ZNF560: variants seen among roughly 807,000 people sequenced by gnomAD.
ZNF560 encodes zinc finger protein 560.
ZNF560 carries 54 observed loss-of-function variants against 81.8 expected under a neutral mutation model. The ratio of observed to expected loss-of-function variants is 0.66; its 90% confidence interval spans 0.53 to 0.83. The LOEUF is 0.83. Ranked by LOEUF, ZNF560 falls within the 40% of genes least tolerant of loss-of-function variation. The pLI is 0.00. For missense variants in ZNF560, 940 were observed against 932.4 expected (o/e 1.01, Z -0.11); for synonymous variants, 321 against 317.9 (o/e 1.01, Z -0.10).
chr19:9,476,291 TTTTG>T (rs760622991), intron 2 of ZNF560, among the ~76,000 whole-genome samples: 11 of 152,046 alleles, frequency 7.2e-5, no homozygotes, highest in East Asian at 1.9e-4. Context: ...GTGGGTTTTT[TTTTG>T]TTTGTTTTTG....
intron 5 of ZNF560, 113 bp from the exon 6 acceptor site, chr19:9,471,491 A>AG: frequency 1.3e-6 from 1 of 752,074 alleles, no homozygotes; most frequent in Non-Finnish European, 2.0e-6. Flanking sequence ...AACATAAGAA[A>AG]AAAGAAAGCT....
At position 9,468,194 on chromosome 19, in the gene ZNF560, G is replaced by C. The variant is rs1444843602; in HGVS notation, c.753C>G (p.Leu251=). ...TAGAGGTTTTATTGTATAGAGAAAG[G>C]AGGTCTTTTGCATACTGAATACATT... is the stretch of plus-strand genomic sequence containing the variant. ...TSECIQYAKD[L]LSLYNKTSTI... The change falls in exon 10 of 10, where the codon CTC becomes CTG. Residue 251 remains leucine (L), a synonymous_variant. Coordinates refer to ENST00000301480, the MANE Select transcript of ZNF560 (RefSeq NM_152476.3). 2.5e-6 allele frequency: 4 copies of C among 1,614,010 alleles called. No individual in the cohort carries two copies. The highest frequency in any genetic ancestry group is 2.5e-6 in the Non-Finnish European group (3 of 1,180,008).
At chr19:9,449,438 T>G in the ZNF560 span, among the ~76,000 whole-genome samples, 1 of 152,122 alleles carries the variant, frequency 6.6e-6, no homozygotes, top group Admixed American at 6.5e-5. Flanking sequence ...AATTTAAAAA[T>G]TCTTTGAAAT....
At position 9,467,851 on chromosome 19, in the gene ZNF560, GATT is replaced by G. The variant is rs1409480565; in HGVS notation, c.1093_1095del (p.Asn365del). 2 of 1,614,058 alleles carry G rather than the reference GATT, an allele frequency of 1.2e-6. No individual in the cohort carries two copies. Among genetic ancestry groups the G allele is most frequent in the African/African-American group, 1.3e-5 (1 of 74,930 alleles). On this transcript the variant is annotated inframe_deletion, in exon 10 of 10. Transcript: ENST00000301480. ...TTTATCCCAATGTGGGTTTGCATGT[GATT>G]ATTAAGGTGGGTAGGGTATCTAAAA...
the ZNF560 span, among the ~76,000 whole-genome samples, chr19:9,506,413 TG>T: frequency 6.7e-4 from 60 of 89,800 alleles, no homozygotes; most frequent in Non-Finnish European, 1.2e-3. Context: ...ACGCTTCTGT[TG>T]TTTTTTTTTT....
chr19:9,484,599 T>C (rs1177990942), intron 2 of ZNF560, among the ~76,000 whole-genome samples: 2 of 144,070 alleles, frequency 1.4e-5, no homozygotes, highest in South Asian at 2.2e-4. Flanking sequence ...CTGGCGAACA[T>C]GGTGAAACCC....
chr19:9,500,394 CAAAAAAAAAAA>C (rs767714516), upstream of ZNF560, among the ~76,000 whole-genome samples: 6 of 82,670 alleles, frequency 7.3e-5, no homozygotes, highest in Non-Finnish European at 1.3e-4. Context: ...AACTTCATCT[CAAAAAAAAAAA>C]AAAAAAAAGA....
At chr19:9,448,581 C>T in the ZNF560 span, among the ~76,000 whole-genome samples, 1 of 151,826 alleles carries the variant, frequency 6.6e-6, no homozygotes, top group African/African-American at 2.4e-5. Flanking sequence ...ATACCTGCTA[C>T]CACAAAACAA....
chr19:9,447,319 C>T, the ZNF560 span, among the ~76,000 whole-genome samples: 1 of 152,076 alleles, frequency 6.6e-6, no homozygotes, highest in East Asian at 1.9e-4. Context: ...AATTCTGCCA[C>T]CATGAAAAAG....
the ZNF560 span, among the ~76,000 whole-genome samples, chr19:9,455,996 T>C: frequency 6.6e-6 from 1 of 152,052 alleles, no homozygotes; most frequent in East Asian, 1.9e-4. Flanking sequence ...ATACCTGAAG[T>C]GTAAAAAAGG....
intron 2 of ZNF560, among the ~76,000 whole-genome samples, chr19:9,487,507 T>G (rs1415016651): frequency 1.3e-5 from 2 of 152,162 alleles, no homozygotes; most frequent in African/African-American, 4.8e-5. Flanking sequence ...AGGCTCATGA[T>G]ATTAGATTTA....
chr19:9,447,283 T>C, the ZNF560 span, among the ~76,000 whole-genome samples: 2 of 152,006 alleles, frequency 1.3e-5, no homozygotes, highest in East Asian at 3.9e-4. Context: ...GCCCCAACCC[T>C]CTCCAGATGA....
chr19:9,446,094 C>T, the ZNF560 span, among the ~76,000 whole-genome samples: 1 of 152,134 alleles, frequency 6.6e-6, no homozygotes, highest in African/African-American at 2.4e-5. Flanking sequence ...TCTTCTGGAA[C>T]TCTCCATGTT....
At chr19:9,484,843 GAAAAA>G (rs920756506) in intron 2 of ZNF560, among the ~76,000 whole-genome samples, 2 of 139,270 alleles carry the variant, frequency 1.4e-5, no homozygotes, top group East Asian at 2.0e-4. Context: ...ATAAAAAAAA[GAAAAA>G]AAAAGAAAAG....
At chr19:9,501,413 C>G (rs2073632445), upstream of ZNF560, among the ~76,000 whole-genome samples, 1 of 148,462 alleles carries the variant, frequency 6.7e-6, no homozygotes, top group African/African-American at 2.5e-5. Flanking sequence ...GGCTGGATTG[C>G]AGTGGTGTGA....
chr19:9,481,858 C>T (rs1378423156), intron 2 of ZNF560, among the ~76,000 whole-genome samples: 2 of 152,336 alleles, frequency 1.3e-5, no homozygotes, highest in African/African-American at 4.8e-5. Flanking sequence ...TTGTGGAAGA[C>T]AGTGTGGCAA....
rs1250389997 is a variant in ZNF560 at position 9,474,254 on chromosome 19, C to T, written c.102G>A (p.Gln34=). 1.2e-6 allele frequency: 2 copies of T among 1,614,174 alleles called. No individual in the cohort carries two copies. Among genetic ancestry groups the T allele is most frequent in the South Asian group, 2.2e-5 (2 of 91,082 alleles). The part of the protein sequence containing the change: ...QEEWILLDPV[Q]RNLYRDVMLE... Reference sequence around the variant, plus strand: ...GCATCACATCTCTGTATAAGTTTCTCTGAACTGGGTCCAGTAAAATCCACT... The same window carrying T: ...GCATCACATCTCTGTATAAGTTTCTTTGAACTGGGTCCAGTAAAATCCACT... The change falls in exon 4 of 10, where the codon CAG becomes CAA. Residue 34 remains glutamine (Q), a synonymous_variant. Transcript: ENST00000301480.
At chr19:9,486,583 G>C (rs2073387613) in intron 2 of ZNF560, among the ~76,000 whole-genome samples, 1 of 151,926 alleles carries the variant, frequency 6.6e-6, no homozygotes, top group African/African-American at 2.4e-5. Context: ...CTAGCAAATA[G>C]ACAAAAATGA....
the ZNF560 span, among the ~76,000 whole-genome samples, chr19:9,505,675 A>ATTTTG: frequency 1.1e-4 from 16 of 151,572 alleles, no homozygotes; most frequent in African/African-American, 3.6e-4. Context: ...ATTTTCATTG[A>ATTTTG]TTTTGTTTTG....
Sources: gnomAD v4.1 joint callset for allele counts (sites outside exome capture counted in the v4.1 genomes callset) on GRCh38, gnomAD v4.1.1 for gene constraint, MANE v1.5 for transcripts, NCBI Gene and HGNC (gene_info 2026-07-23, HGNC 2026-07-21) for gene names.